The following DDOST variants were observed in gnomAD, a reference collection of about 807,000 sequenced individuals.
DDOST encodes the protein dolichyl-diphosphooligosaccharide--protein glycosyltransferase non-catalytic subunit.
A neutral mutation model predicts 47.6 loss-of-function variants in DDOST; 25 were observed. The observed-to-expected ratio is 0.53, with a 90% CI of 0.38 to 0.73. The LOEUF is 0.73. Among genes scored for constraint, DDOST ranks in the 30% least tolerant of loss-of-function variants. DDOST has a pLI of 0.00. For missense variants in DDOST, 526 were observed against 573.9 expected (o/e 0.92, Z 0.85); for synonymous variants, 275 against 236.0 (o/e 1.17, Z -1.51).
rs149576051 is a variant in DDOST at position 20,652,523 on chromosome 1, G to A, written c.1176C>T (p.Ser392=). The change falls in exon 11 of 11, where the codon TCC becomes TCT. Residue 392 remains serine (S), a synonymous_variant. Transcript: ENST00000602624. ...YTHLYSSTQV[S]VRPLQHTQYE... is the part of the protein sequence containing the mutation. ...ACTGCGTGTGCTGGAGTGGCCGCAC[G>A]GATACCTGCAGGAGGACAGAGGTGG... 6.3e-4 allele frequency: 1,011 copies of A among 1,613,914 alleles called. 1 individual carries two copies. The African/African-American group carries it at 0.011, about 18-fold the overall frequency.
chr1:20,655,159 C>A (rs1326872040), intron 5 of DDOST, among the ~76,000 whole-genome samples: 1 of 132,882 alleles, frequency 7.5e-6, no homozygotes, highest in Non-Finnish European at 1.6e-5. Context: ...TGCGCTCGGC[C>A]AACTTTTTTT....
intron 1 of DDOST, 73 bp downstream of exon 1, chr1:20,661,122 GGA>G (rs2053429773): frequency 1.3e-6 from 2 of 1,534,918 alleles, no homozygotes; most frequent in Non-Finnish European, 1.8e-6. Context: ...GGAGAGGGAA[GGA>G]GAGTGGTCAA....
chr1:20,655,206 G>A (rs2053358346), intron 5 of DDOST, among the ~76,000 whole-genome samples: 1 of 145,556 alleles, frequency 6.9e-6, no homozygotes, highest in African/African-American at 2.6e-5. Flanking sequence ...AAAGAGAGGA[G>A]TTCTGTGTTG....
At chr1:20,659,585 G>A (rs623817) in intron 2 of DDOST, among the ~76,000 whole-genome samples, 56,200 of 152,014 alleles carry the variant, frequency 0.37, 10,450 homozygotes, top group Middle Eastern at 0.44. Flanking sequence ...TTACTGCACC[G>A]AAGCCCAGTC....
chr1:20,652,829 C>G, intron 9 of DDOST, 22 bp downstream of exon 9: 1 of 1,614,122 alleles, frequency 6.2e-7, no homozygotes. Flanking sequence ...TGGCAGCATC[C>G]TCGTGCAGGA....
Position 20,652,905 on chromosome 1 carries a change from G to A in DDOST, c.1009C>T (p.Gln337Ter). The stretch of plus-strand genomic sequence containing the variant: ...GGATCAATGCGGACAAACTCCAGCT[G>A]AATGTCATCGCCATCAAAGGGGACC... ...KWVPFDGDDI[Q>*]LEFVRIDPFV... Residue 337 changes from glutamine (Q) to a stop codon, truncating the protein, a stop_gained, in exon 9 of 11, where the codon CAG becomes TAG. Transcript: ENST00000602624. LOFTEE classifies it high-confidence loss of function. 1 of 1,614,214 alleles carries A rather than the reference G, an allele frequency of 6.2e-7. No individual in the cohort carries two copies. The highest frequency in any genetic ancestry group is 8.5e-7 in the Non-Finnish European group (1 of 1,180,036).
Position 20,652,703 on chromosome 1 carries a change from T to G in DDOST, c.1088A>C (p.Lys363Thr). The G allele has an allele frequency of 1.9e-6, 3 of 1,614,184 alleles. No individual in the cohort carries two copies. Among genetic ancestry groups the G allele is most frequent in the Non-Finnish European group, 2.5e-6 (3 of 1,180,026 alleles). Reference protein sequence around the residue: ...KKGGKYSVQFKLPDVYGVFQF... With the variant: ...KKGGKYSVQFTLPDVYGVFQF... ...GAATACACCATACACGTCGGGCAAC[T>G]TGAACTGAACACTGTATTTGCCACC... Residue 363 changes from lysine to threonine, a missense_variant, in exon 10 of 11, where the codon AAG becomes ACG. Lys to Thr is a moderately conservative substitution (Grantham distance 78, BLOSUM62 -1). Coordinates refer to ENST00000602624, the MANE Select transcript of DDOST (RefSeq NM_005216.5).
chr1:20,660,711 A>G, intron 2 of DDOST, 170 bp downstream of exon 2: 1 of 565,710 alleles, frequency 1.8e-6, no homozygotes, highest in Non-Finnish European at 3.2e-6. Flanking sequence ...AGAAAGATGT[A>G]CCCTCCTAGG....
rs771423836 is a variant in DDOST, at chr1:20,652,399, C to T, written c.1300G>A (p.Glu434Lys). Residue 434 changes from glutamate (E) to lysine (K), a missense_variant, in exon 11 of 11, where the codon GAG becomes AAG. Physicochemically the swap from Glu to Lys is moderately conservative, Grantham distance 56 (BLOSUM62 1). Coordinates refer to ENST00000602624, the MANE Select transcript of DDOST (RefSeq NM_005216.5). Reference protein sequence around the residue: ...IFSIVFLHMKEKEKSD With the variant: ...IFSIVFLHMKKKEKSD ...GCCCCTCAGTCGGACTTCTCCTTCT[C>T]CTTCATGTGCAAGAAGACGATGCTG... 6.2e-7 allele frequency: 1 copy of T among 1,613,248 alleles called. No individual in the cohort carries two copies. The highest frequency in any genetic ancestry group is 8.5e-7 in the Non-Finnish European group (1 of 1,179,624).
intron 2 of DDOST, among the ~76,000 whole-genome samples, chr1:20,660,049 AGAG>A (rs2053418802): frequency 6.6e-6 from 1 of 152,242 alleles, no homozygotes; most frequent in Non-Finnish European, 1.5e-5. Context: ...CAAATAAAGA[AGAG>A]AATGACTAAC....
rs1446788399 is a variant in DDOST, at chr1:20,656,100, C to A, written c.352+1G>T. On this transcript the variant is annotated splice_donor_variant, in intron 3 of 10. Transcript: ENST00000602624. LOFTEE classifies it high-confidence loss of function. ...ACCAGAACCTCCCAGGTCGGACTCACCAATGTCGGAGCTGGCAGCTACCAG... is the reference window on the plus strand; with the variant it reads ...ACCAGAACCTCCCAGGTCGGACTCAACAATGTCGGAGCTGGCAGCTACCAG... The A allele has an allele frequency of 6.2e-7, 1 of 1,613,238 alleles. No individual in the cohort carries two copies.
chr1:20,653,468 G>A (rs965456652), intron 8 of DDOST, among the ~76,000 whole-genome samples, 159 bp downstream of exon 8: 1 of 152,154 alleles, frequency 6.6e-6, no homozygotes, highest in African/African-American at 2.4e-5. Context: ...TTCACGCCAG[G>A]CTCTGCATCT....
chr1:20,659,162 CTT>C lies in DDOST; in HGVS notation c.265+1717_265+1718del, dbSNP rs11320315. On this transcript the variant is annotated intron_variant, in intron 2 of 10. Transcript: ENST00000602624. ...GATAAGCTATCATACCTAGCCTTTTCTTTTTTTTTTTTTTAAGCAGGTCAATT... is the reference window on the plus strand; with the variant it reads ...GATAAGCTATCATACCTAGCCTTTTCTTTTTTTTTTTTAAGCAGGTCAATT... 4.9e-4 allele frequency among the ~76,000 whole-genome samples: 71 copies of C among 144,558 alleles called. 1 individual carries two copies. The highest frequency in any genetic ancestry group is 6.6e-4 in the South Asian group (3 of 4,532). The allele number at this position is 144,558 out of a possible 152,430, so 94.8% of individuals were successfully genotyped here.
At chr1:20,655,556 G>A (rs778917497) in intron 4 of DDOST, 22 bp from the exon 5 acceptor site, 9 of 1,611,022 alleles carry the variant, frequency 5.6e-6, no homozygotes, top group Non-Finnish European at 1.7e-6. Flanking sequence ...AGATGGAAAG[G>A]TGGGTGGTCA....
chr1:20,654,046 T>C (rs1424016209), intron 7 of DDOST, among the ~76,000 whole-genome samples, 177 bp downstream of exon 7: 2 of 152,114 alleles, frequency 1.3e-5, no homozygotes, highest in Non-Finnish European at 2.9e-5. Context: ...CCTTAAAAAA[T>C]TGGAAGTGCC....
rs1166312788 is a variant in DDOST, at chr1:20,655,441, C to T, written c.550G>A (p.Gly184Arg). The T allele has an allele frequency of 3.1e-6, 5 of 1,612,402 alleles. No individual in the cohort carries two copies. The African/African-American group carries it at 6.7e-5, about 22-fold the overall frequency. The change falls in exon 5 of 11, where the codon GGG (glycine) becomes AGG (arginine). Residue 184 changes from glycine to arginine, a missense_variant and splice_region_variant. Transcript: ENST00000602624. ...SLNPILFRGV[G>R]MVADPDNPLV... Reference sequence around the variant, plus strand: ...TCCTCTCCCTGCTCACTCACTCACCCAACACCTCGAAAGAGGATGGGATTT... The same window carrying T: ...TCCTCTCCCTGCTCACTCACTCACCTAACACCTCGAAAGAGGATGGGATTT...
At chr1:20,653,548 G>T in intron 8 of DDOST, 79 bp downstream of exon 8, 1 of 1,405,996 alleles carries the variant, frequency 7.1e-7, no homozygotes, top group Non-Finnish European at 9.6e-7. Flanking sequence ...CAGCAAAGAA[G>T]TGTTCAATAA....
At position 20,661,229 on chromosome 1, in the gene DDOST, T is replaced by A; in HGVS notation, c.122A>T (p.Glu41Val). Residue 41 changes from glutamate (E) to valine (V), a missense_variant, in exon 1 of 11, where the codon GAG becomes GTG. Glu to Val is a moderately radical substitution (Grantham distance 121). Coordinates refer to ENST00000602624, the MANE Select transcript of DDOST (RefSeq NM_005216.5). ...LVLLDNLNVRETHSLFFRSLK... is the reference protein window; with the variant it reads ...LVLLDNLNVRVTHSLFFRSLK... ...GCTCCGGAAGAAAAGCGAATGAGTC[T>A]CCCGCACGTTGAGGTTGTCCAGCAG... is the stretch of plus-strand genomic sequence containing the variant. 1 of 1,613,982 alleles carries A rather than the reference T, an allele frequency of 6.2e-7. No individual in the cohort carries two copies. Among genetic ancestry groups the A allele is most frequent in the African/African-American group, 1.3e-5 (1 of 75,030 alleles).
At chr1:20,656,317 A>C in intron 2 of DDOST, 130 bp from the exon 3 acceptor site, 2 of 674,668 alleles carry the variant, frequency 3.0e-6, no homozygotes, top group Non-Finnish European at 5.3e-6. Context: ...GGGGGCCACA[A>C]TGAGGGAGAG....
Sources: allele counts gnomAD v4.1 joint callset (sites outside exome capture counted in the v4.1 genomes callset), GRCh38; gene constraint gnomAD v4.1.1; transcripts MANE v1.5; gene names NCBI Gene and HGNC (gene_info 2026-07-23, HGNC 2026-07-21).